The following OR2A14 variants were observed in gnomAD, a reference collection of about 807,000 sequenced individuals.
OR2A14 encodes the protein olfactory receptor 2A14.
Under a neutral mutation model 2.4 loss-of-function variants are expected in OR2A14, and 2 were observed. The ratio of observed to expected loss-of-function variants is 0.85; its 90% confidence interval spans 0.35 to 2.67. The LOEUF is 2.67. Among genes scored for constraint, OR2A14 ranks in the 30% most tolerant of loss-of-function variants. The pLI is 0.10. For missense variants in OR2A14, 390 were observed against 379.4 expected (o/e 1.03, Z -0.23); for synonymous variants, 160 against 156.3 (o/e 1.02, Z -0.18).
chr7:144,127,712 G>A (rs1178129851), intron 1 of OR2A14, among the ~76,000 whole-genome samples: 1 of 152,044 alleles, frequency 6.6e-6, no homozygotes, highest in Non-Finnish European at 1.5e-5. Flanking sequence ...GAGGATCTAC[G>A]TATTTACTAA....
At chr7:144,128,580 G>T (rs551026317) in intron 1 of OR2A14, among the ~76,000 whole-genome samples, 1 of 152,300 alleles carries the variant, frequency 6.6e-6, no homozygotes, top group East Asian at 1.9e-4. Context: ...TGAAATAAGT[G>T]GGTAGAAAAG....
chr7:144,130,105 CTTT>C lies in OR2A14; in HGVS notation c.*69_*71del, dbSNP rs34308692. The C allele has an allele frequency of 2.1e-5, 23 of 1,096,774 alleles. No individual in the cohort carries two copies. The highest frequency in any genetic ancestry group is 4.9e-5 in the African/African-American group (3 of 61,446). The allele number at this position is 1,096,774 out of a possible 1,614,324, so 67.9% of individuals were successfully genotyped here. On this transcript the variant is annotated 3_prime_UTR_variant, in exon 2 of 2. Coordinates refer to ENST00000641068, the MANE Select transcript of OR2A14 (RefSeq NM_001001659.3). ...GCTCCCTGCAAAATATAGAAGTTGG[CTTT>C]TTTTTTTTGTCTTCTGCTAGAATAA...
intron 1 of OR2A14, among the ~76,000 whole-genome samples, chr7:144,126,418 T>C (rs2051483551): frequency 6.6e-6 from 1 of 152,212 alleles, no homozygotes; most frequent in Non-Finnish European, 1.5e-5. Context: ...CAAGTGCATC[T>C]TGTTCAGAGA....
chr7:144,129,168 G>A lies in OR2A14; in HGVS notation c.56G>A (p.Gly19Asp). 2.5e-6 allele frequency: 4 copies of A among 1,612,518 alleles called. No homozygotes were observed. The highest frequency in any genetic ancestry group is 2.5e-6 in the Non-Finnish European group (3 of 1,180,008). ...TDITLPRFQV[G>D]PALEILLCGL... ...ATCACCTTGCCGCGATTCCAGGTTG[G>A]TCCAGCACTGGAGATTCTCCTCTGT... is the stretch of plus-strand genomic sequence containing the variant. Residue 19 changes from glycine (G) to aspartate (D), a missense_variant, in exon 2 of 2, where the codon GGT becomes GAT. Transcript: ENST00000641068.
At chr7:144,128,181 T>A (rs946279079) in intron 1 of OR2A14, among the ~76,000 whole-genome samples, 3 of 152,234 alleles carry the variant, frequency 2.0e-5, no homozygotes, top group African/African-American at 7.2e-5. Flanking sequence ...ACATATTAAG[T>A]TATAATCGAG....
Position 144,130,335 on chromosome 7 carries a change from C to G in OR2A14, c.*290C>G. The G allele has an allele frequency of 4.5e-6, 1 of 220,536 alleles. No homozygotes were observed. Among genetic ancestry groups the G allele is most frequent in the Non-Finnish European group, 9.0e-6 (1 of 110,806 alleles). The allele number at this position is 220,536 out of a possible 1,614,324, so 13.7% of individuals were successfully genotyped here. ...TAATCATTGTGCTCATCAAAGTCACCATTAAGAAAGAAGAAATGCAAGCCA... is the reference window on the plus strand; with the variant it reads ...TAATCATTGTGCTCATCAAAGTCACGATTAAGAAAGAAGAAATGCAAGCCA... On this transcript the variant is annotated 3_prime_UTR_variant, in exon 2 of 2. Coordinates refer to ENST00000641068, the MANE Select transcript of OR2A14 (RefSeq NM_001001659.3).
chr7:144,129,967 C>T lies in OR2A14; in HGVS notation c.855C>T (p.Asn285=), dbSNP rs769033313. 3 of 1,614,164 alleles carry T rather than the reference C, an allele frequency of 1.9e-6. No homozygotes were observed. Among genetic ancestry groups the T allele is most frequent in the East Asian group, 2.2e-5 (1 of 44,870 alleles). ...LFYSLFNPML[N]PLIYSLRNAE... ...ACAGCCTTTTCAATCCAATGCTGAA[C>T]CCCCTGATATATAGCCTAAGGAATG... is the stretch of plus-strand genomic sequence containing the variant. The change falls in exon 2 of 2, where the codon AAC becomes AAT. Residue 285 remains asparagine, a synonymous_variant. Transcript: ENST00000641068.
Position 144,129,071 on chromosome 7 carries a change from G to C in OR2A14, c.-34-8G>C, listed in dbSNP as rs997177413. On this transcript the variant is annotated splice_polypyrimidine_tract_variant and splice_region_variant and intron_variant, in intron 1 of 1. Coordinates refer to ENST00000641068, the MANE Select transcript of OR2A14 (RefSeq NM_001001659.3). ...TGCTCCCTCTGTGCATCTTTGACTG[G>C]CCCACAGCTCTGACCTTCCTGTCCT... The C allele has an allele frequency of 6.7e-7, 1 of 1,490,208 alleles. No individual in the cohort carries two copies. The highest frequency in any genetic ancestry group is 2.3e-5 in the East Asian group (1 of 43,924). The allele number at this position is 1,490,208 out of a possible 1,614,324, so 92.3% of individuals were successfully genotyped here.
intron 1 of OR2A14, among the ~76,000 whole-genome samples, chr7:144,128,653 C>T (rs1478481819): frequency 6.6e-6 from 1 of 152,190 alleles, no homozygotes; most frequent in Non-Finnish European, 1.5e-5. Context: ...CGTCCCTGCA[C>T]ATCTCAGACT....
At chr7:144,125,126 T>G (rs182588333) in intron 1 of OR2A14, among the ~76,000 whole-genome samples, 184 of 152,334 alleles carry the variant, frequency 1.2e-3, no homozygotes, top group African/African-American at 4.3e-3. Context: ...GTGGTCAACA[T>G]TTTACATTTG....
chr7:144,129,929 C>A lies in OR2A14; in HGVS notation c.817C>A (p.Leu273Ile). The A allele has an allele frequency of 6.2e-7, 1 of 1,614,202 alleles. No homozygotes were observed. Among genetic ancestry groups the A allele is most frequent in the Non-Finnish European group, 8.5e-7 (1 of 1,180,032 alleles). The change falls in exon 2 of 2, where the codon CTT (leucine) becomes ATT (isoleucine). Residue 273 changes from leucine to isoleucine, a missense_variant. By Grantham distance (5) the Leu-to-Ile change is conservative. Coordinates refer to ENST00000641068, the MANE Select transcript of OR2A14 (RefSeq NM_001001659.3). ...SRHPEEQQKV[L>I]SLFYSLFNPM... ...CCATCCTGAGGAGCAGCAGAAAGTT[C>A]TTTCCCTGTTTTACAGCCTTTTCAA...
chr7:144,130,083 C>T lies in OR2A14; in HGVS notation c.*38C>T, dbSNP rs1488564026. ...GGAACCATGGGGAGGGAGCCTTGCT[C>T]CCTGCAAAATATAGAAGTTGGCTTT... On this transcript the variant is annotated 3_prime_UTR_variant, in exon 2 of 2. Transcript: ENST00000641068. 1.3e-6 allele frequency: 2 copies of T among 1,519,136 alleles called. No individual in the cohort carries two copies. Among genetic ancestry groups the T allele is most frequent in the African/African-American group, 2.9e-5 (2 of 68,326 alleles). The allele number at this position is 1,519,136 out of a possible 1,614,324, so 94.1% of individuals were successfully genotyped here. A position where few individuals can be genotyped will look rare whatever the true frequency, so the allele number is the denominator to read the frequency against.
chr7:144,127,072 G>T (rs1368783486), intron 1 of OR2A14, among the ~76,000 whole-genome samples: 6 of 152,168 alleles, frequency 3.9e-5, no homozygotes, highest in South Asian at 4.1e-4. Flanking sequence ...TCCCTAAATA[G>T]AAATGTGAGG....
chr7:144,128,665 AG>A (rs1459175551), intron 1 of OR2A14, among the ~76,000 whole-genome samples: 1 of 152,208 alleles, frequency 6.6e-6, no homozygotes, highest in Non-Finnish European at 1.5e-5. Flanking sequence ...TCTCAGACTG[AG>A]AAGGAAGCAG....
chr7:144,126,474 C>A (rs553512206), intron 1 of OR2A14, among the ~76,000 whole-genome samples: 1 of 152,166 alleles, frequency 6.6e-6, no homozygotes, highest in African/African-American at 2.4e-5. Flanking sequence ...AGAGAATGAT[C>A]CTCTTTTGGC....
chr7:144,130,034 A>AGGC lies in OR2A14; in HGVS notation c.923_925dup (p.Arg308dup). The AGGC allele has an allele frequency of 1.2e-6, 2 of 1,611,238 alleles. No homozygotes were observed. Among genetic ancestry groups the AGGC allele is most frequent in the Non-Finnish European group, 1.7e-6 (2 of 1,178,030 alleles). On this transcript the variant is annotated inframe_insertion, in exon 2 of 2. Transcript: ENST00000641068. The stretch of plus-strand genomic sequence containing the variant: ...CCTGAGGAGGGCACTGAGGAAGGAG[A>AGGC]GGCTGACGTGAGACATCTCAAAGGG...
intron 1 of OR2A14, 27 bp from the exon 2 acceptor site, chr7:144,129,052 C>T (rs2128807322): frequency 3.8e-6 from 5 of 1,301,440 alleles, no homozygotes; most frequent in Non-Finnish European, 5.4e-6. Flanking sequence ...TAAGTGCTCC[C>T]TCTGTGCATC....
At position 144,129,801 on chromosome 7, in the gene OR2A14, G is replaced by C; in HGVS notation, c.689G>C (p.Gly230Ala). 1 of 1,614,028 alleles carries C rather than the reference G, an allele frequency of 6.2e-7. No individual in the cohort carries two copies. The highest frequency in any genetic ancestry group is 1.1e-5 in the South Asian group (1 of 91,070). The stretch of plus-strand genomic sequence containing the variant: ...GCCGCCATCTTGAGGATCCAGTCTG[G>C]GGAGGGCCGCAGAAAGGCCTTCTCC... ...ILAAILRIQSGEGRRKAFSTC... is the reference protein window; with the variant it reads ...ILAAILRIQSAEGRRKAFSTC... The change falls in exon 2 of 2, where the codon GGG becomes GCG. Residue 230 changes from glycine (G) to alanine (A), a missense_variant. Physicochemically the swap from Gly to Ala is moderately conservative, Grantham distance 60 (BLOSUM62 0). Transcript: ENST00000641068.
At chr7:144,123,764 A>T (rs2951344) in intron 1 of OR2A14, among the ~76,000 whole-genome samples, 2 of 151,874 alleles carry the variant, frequency 1.3e-5, no homozygotes, top group Admixed American at 6.6e-5. Context: ...GCGTTGTGTC[A>T]CCAGACAAGA....
Sources: gnomAD v4.1 joint callset for allele counts (sites outside exome capture counted in the v4.1 genomes callset) on GRCh38, gnomAD v4.1.1 for gene constraint, MANE v1.5 for transcripts, NCBI Gene and HGNC (gene_info 2026-07-23, HGNC 2026-07-21) for gene names.